Variants in XPO4 observed in about 807,000 individuals in gnomAD.
XPO4 encodes the protein exportin 4, also known as exportin-4.
XPO4 carries 39 observed loss-of-function variants against 143.0 expected under a neutral mutation model. The ratio of observed to expected loss-of-function variants is 0.27; its 90% confidence interval spans 0.21 to 0.36. The LOEUF is 0.36. XPO4 is among the 10% of genes least tolerant of loss of function. XPO4 has a pLI of 1.00. For synonymous variants in XPO4, 439 were observed against 474.0 expected, an observed-to-expected ratio of 0.93 and a Z score of 0.96; for missense variants, 907 against 1,348.0, an observed-to-expected ratio of 0.67 and a Z score of 5.12.
chr13:20,807,332 A>C (rs2059520858), intron 13 of XPO4, 125 bp downstream of exon 13: 2 of 966,072 alleles, frequency 2.1e-6, no homozygotes, highest in East Asian at 5.6e-5. Context: ...AGGCTTCTCC[A>C]AGTTTTCATT....
intron 3 of XPO4, among the ~76,000 whole-genome samples, chr13:20,862,381 TA>T (rs2060209872): frequency 1.3e-5 from 2 of 152,202 alleles, no homozygotes; most frequent in Admixed American, 1.3e-4. Flanking sequence ...AAATAAAAGG[TA>T]TTATTTCATT....
At chr13:20,872,697 A>G (rs566830092) in intron 1 of XPO4, among the ~76,000 whole-genome samples, 1 of 152,308 alleles carries the variant, frequency 6.6e-6, no homozygotes, top group African/African-American at 2.4e-5. Context: ...AAGAATAAGT[A>G]ATTTGCCCAA....
chr13:20,782,825 A>T lies in XPO4; in HGVS notation c.*897T>A, dbSNP rs1392151905. On this transcript the variant is annotated 3_prime_UTR_variant, in exon 23 of 23. Coordinates refer to ENST00000255305, the MANE Select transcript of XPO4 (RefSeq NM_022459.5). The stretch of plus-strand genomic sequence containing the variant: ...GCTGTTTTTGTATTTTCCTCTTAAA[A>T]TTAAGGCAATGAAATGGCTACAGTT... 1 of 152,630 alleles carries T rather than the reference A, an allele frequency of 6.6e-6. No individual in the cohort carries two copies. The highest frequency in any genetic ancestry group is 2.4e-5 in the African/African-American group (1 of 41,450). 9.5% of individuals were successfully genotyped at this position (152,630 alleles called of 1,614,324 possible).
chr13:20,862,615 T>C (rs906225088), intron 3 of XPO4, 102 bp downstream of exon 3: 2 of 1,466,416 alleles, frequency 1.4e-6, no homozygotes, highest in South Asian at 1.3e-5. Flanking sequence ...TGTGAGCCAC[T>C]ATACCCACCC....
Position 20,848,332 on chromosome 13 carries a change from G to A in XPO4, c.457-4446C>T, listed in dbSNP as rs771302118. The A allele has an allele frequency of 5.1e-6, 5 of 985,284 alleles. No homozygotes were observed. In the African/African-American group the frequency reaches 7.0e-5, roughly 14 times the overall value. 61.0% of individuals were successfully genotyped at this position (985,284 alleles called of 1,614,324 possible). A position where few individuals can be genotyped will look rare whatever the true frequency, so the allele number is the denominator to read the frequency against. ...CAGTTAGAAAATCTGGGCTCTAACAGTCCAAGATTTCCTTCTTCAAATAAC... is the reference window on the plus strand; with the variant it reads ...CAGTTAGAAAATCTGGGCTCTAACAATCCAAGATTTCCTTCTTCAAATAAC... On this transcript the variant is annotated intron_variant, in intron 4 of 22. Coordinates refer to ENST00000255305, the MANE Select transcript of XPO4 (RefSeq NM_022459.5).
intron 14 of XPO4, 122 bp downstream of exon 14, chr13:20,800,709 G>T: frequency 7.9e-7 from 1 of 1,261,160 alleles, no homozygotes; most frequent in Non-Finnish European, 1.1e-6. Context: ...CTTCCACACA[G>T]AAAATGTTAA....
intron 6 of XPO4, among the ~76,000 whole-genome samples, chr13:20,831,863 AGCAAGGGTTCCG>A (rs1316034604): frequency 6.7e-5 from 8 of 118,608 alleles, no homozygotes; most frequent in Non-Finnish European, 9.7e-5. Context: ...ACTCCCTCTT[AGCAAGGGTTCCG>A]GCAAGGGATC....
At chr13:20,826,304 T>C (rs971101807) in intron 7 of XPO4, among the ~76,000 whole-genome samples, 15 of 152,228 alleles carry the variant, frequency 9.9e-5, no homozygotes, top group African/African-American at 3.4e-4. Context: ...TATTCCATAA[T>C]ACCAACTTAA....
chr13:20,895,091 T>C (rs980942990), intron 1 of XPO4, among the ~76,000 whole-genome samples: 2 of 151,632 alleles, frequency 1.3e-5, no homozygotes, highest in Admixed American at 6.6e-5. Context: ...AGCAGGATAA[T>C]TGCTTGAACC....
chr13:20,849,272 A>C (rs2060060325), intron 4 of XPO4: 2 of 985,448 alleles, frequency 2.0e-6, no homozygotes. Flanking sequence ...ACTTATGATA[A>C]GAGAGATTAA....
chr13:20,844,746 ATAACT>A (rs2060013308), intron 4 of XPO4, among the ~76,000 whole-genome samples: 1 of 152,242 alleles, frequency 6.6e-6, no homozygotes, highest in African/African-American at 2.4e-5. Context: ...ATCTTAGCAA[ATAACT>A]TAATGATATT....
chr13:20,842,269 G>GA (rs1319121874), intron 6 of XPO4, among the ~76,000 whole-genome samples: 4 of 152,140 alleles, frequency 2.6e-5, no homozygotes, highest in Non-Finnish European at 4.4e-5. Flanking sequence ...CATAGTAAAT[G>GA]AGACAGCAGT....
chr13:20,826,651 G>A lies in XPO4; in HGVS notation c.840+416C>T, dbSNP rs537665888. 9.9e-5 allele frequency among the ~76,000 whole-genome samples: 15 copies of A among 152,230 alleles called. No homozygotes were observed. The East Asian group carries it at 1.9e-3, about 20-fold the overall frequency. ...CTATTCTTCTCATTAAACTTGCTTC[G>A]TTTTCAAAAATATAGTTAATTAAAA... On this transcript the variant is annotated intron_variant, in intron 7 of 22. Transcript: ENST00000255305.
intron 2 of XPO4, chr13:20,866,061 C>A (rs561355309): frequency 1.0e-6 from 1 of 985,330 alleles, no homozygotes; most frequent in East Asian, 1.1e-4. Flanking sequence ...AAGAAGTAAG[C>A]CAATCCCTCA....
intron 4 of XPO4, among the ~76,000 whole-genome samples, chr13:20,846,817 C>A (rs928151405): frequency 7.9e-5 from 12 of 152,078 alleles, no homozygotes; most frequent in African/African-American, 2.4e-4. Flanking sequence ...TATAGTTTTA[C>A]ATTCTACTTT....
chr13:20,787,101 T>C (rs1295839561), intron 21 of XPO4, 44 bp from the exon 22 acceptor site: 5 of 1,476,660 alleles, frequency 3.4e-6, no homozygotes, highest in East Asian at 4.9e-5. Context: ...AGGATGATCA[T>C]ATATCCTCCA....
At chr13:20,807,697 T>C (rs1022474852) in intron 12 of XPO4, 63 bp from the exon 13 acceptor site, 3 of 1,296,056 alleles carry the variant, frequency 2.3e-6, no homozygotes, top group African/African-American at 1.5e-5. Context: ...AATTGTACTA[T>C]AAATGTTTTC....
rs1203273040 is a variant in XPO4 at position 20,796,858 on chromosome 13, A to C, written c.2522T>G (p.Leu841Trp). 1 of 1,614,022 alleles carries C rather than the reference A, an allele frequency of 6.2e-7. No homozygotes were observed. The highest frequency in any genetic ancestry group is 8.5e-7 in the Non-Finnish European group (1 of 1,180,012). Residue 841 changes from leucine to tryptophan, a missense_variant, in exon 17 of 23, where the codon TTG becomes TGG. Physicochemically the swap from Leu to Trp is moderately conservative, Grantham distance 61. Coordinates refer to ENST00000255305, the MANE Select transcript of XPO4 (RefSeq NM_022459.5). ...LMDFLTNCIG[L>W]MEVYKNTPET... is the part of the protein sequence containing the mutation. ...TGGGGTATTCTTGTAAACTTCCATC[A>C]ATCCAATGCAATTGGTAAGGAAGTC... is the stretch of plus-strand genomic sequence containing the variant.
intron 9 of XPO4, among the ~76,000 whole-genome samples, chr13:20,820,752 G>A (rs1312537226): frequency 6.6e-6 from 1 of 152,054 alleles, no homozygotes; most frequent in Non-Finnish European, 1.5e-5. Context: ...GAAAGTGCCC[G>A]ATTACATAAA....
Sources: gnomAD v4.1 joint callset for allele counts (sites outside exome capture counted in the v4.1 genomes callset) on GRCh38, gnomAD v4.1.1 for gene constraint, MANE v1.5 for transcripts, NCBI Gene and HGNC (gene_info 2026-07-23, HGNC 2026-07-21) for gene names.